Variants in IGF1 observed in about 807,000 individuals in gnomAD.
IGF1 encodes insulin like growth factor 1.
In IGF1, 4 loss-of-function variants were observed where a neutral mutation model predicts 13.8. The observed-to-expected ratio is 0.29, with a 90% CI of 0.14 to 0.66. The LOEUF is 0.66. IGF1 is among the 30% of genes least tolerant of loss of function. The probability of loss-of-function intolerance (pLI) is 0.78; values close to 1 mark genes in which losing one functional copy is unlikely to be tolerated. For missense variants in IGF1, 124 were observed against 188.5 expected, an observed-to-expected ratio of 0.66 and a Z score of 2.00; for synonymous variants, 76 against 72.6, an observed-to-expected ratio of 1.05 and a Z score of -0.23.
intron 2 of IGF1, among the ~76,000 whole-genome samples, chr12:102,435,356 T>A (rs1418457049): frequency 6.6e-6 from 1 of 152,222 alleles, no homozygotes; most frequent in Non-Finnish European, 1.5e-5. Flanking sequence ...ATGGCCATTA[T>A]CTGCCTGGGC....
intron 3 of IGF1, among the ~76,000 whole-genome samples, chr12:102,407,692 C>A (rs1874292186): frequency 1.3e-5 from 2 of 152,098 alleles, no homozygotes; most frequent in South Asian, 4.1e-4. Flanking sequence ...TCATGAGCTG[C>A]CCATGCTTCC....
rs1877220739 is a variant in IGF1, at chr12:102,436,350, A to G, written c.221-16660T>C. 2.6e-5 allele frequency among the ~76,000 whole-genome samples: 4 copies of G among 152,216 alleles called. No homozygotes were observed. In the South Asian group the frequency reaches 6.2e-4, roughly 24 times the overall value. ...CACAAGCTAGTCTTCTGATATTGAA[A>G]GCTGCCTTTTCTAAATACTGAGTTC... On this transcript the variant is annotated intron_variant, in intron 2 of 3. Coordinates refer to ENST00000337514, the MANE Select transcript of IGF1 (RefSeq NM_000618.5).
chr12:102,405,092 T>TCTTC (rs1468302925), intron 3 of IGF1, among the ~76,000 whole-genome samples: 1 of 148,090 alleles, frequency 6.8e-6, no homozygotes, highest in Non-Finnish European at 1.5e-5. Flanking sequence ...TTTCTTTCTT[T>TCTTC]CTTTCTTTTT....
chr12:102,402,595 A>T, intron 3 of IGF1, 29 bp from the exon 4 acceptor site: 1 of 780,430 alleles, frequency 1.3e-6, no homozygotes. Flanking sequence ...AAGTGACATT[A>T]ACTTGATGAA....
chr12:102,464,178 C>T (rs1009472232), intron 2 of IGF1, among the ~76,000 whole-genome samples: 1 of 151,848 alleles, frequency 6.6e-6, no homozygotes, highest in Non-Finnish European at 1.5e-5. Context: ...ATAAGTAGAC[C>T]TTATTGGTGA....
intron 1 of IGF1, among the ~76,000 whole-genome samples, chr12:102,476,933 G>A (rs533455508): frequency 6.6e-6 from 1 of 152,146 alleles, no homozygotes; most frequent in Non-Finnish European, 1.5e-5. Flanking sequence ...TTTCCAAGAA[G>A]CCTCTCAAGG....
intron 3 of IGF1, chr12:102,417,557 CTTTTA>C (rs1222236149): frequency 7.6e-6 from 9 of 1,187,710 alleles, no homozygotes; most frequent in Non-Finnish European, 9.4e-6. Context: ...TTTTTTGCCT[CTTTTA>C]TAATTTTTAT....
intron 3 of IGF1, among the ~76,000 whole-genome samples, chr12:102,417,219 T>TGAA (rs113221407): frequency 0.78 from 118,184 of 151,926 alleles, 46,059 homozygotes; most frequent in Admixed American, 0.84. Context: ...GCAAAAAAGA[T>TGAA]GAAGAGTGCA....
At chr12:102,452,309 G>C (rs1001574814) in intron 2 of IGF1, among the ~76,000 whole-genome samples, 1 of 137,394 alleles carries the variant, frequency 7.3e-6, no homozygotes, top group Non-Finnish European at 1.5e-5. Flanking sequence ...TACTTCTTCT[G>C]CCATGATAAG....
At chr12:102,441,906 G>GCTGCTGCTTCTTCTTGTTCTT in intron 2 of IGF1, among the ~76,000 whole-genome samples, 1 of 100,292 alleles carries the variant, frequency 1.0e-5, no homozygotes, top group Non-Finnish European at 2.1e-5. Flanking sequence ...CTATTACACT[G>GCTGCTGCTTCTTCTTGTTCTT]CTTCTTCTCC....
upstream of IGF1, chr12:102,480,716 A>T (rs1451624800): frequency 3.2e-6 from 2 of 631,362 alleles, no homozygotes; most frequent in Non-Finnish European, 4.7e-6. Context: ...ATAACATCAT[A>T]CCTTTGCATT....
At position 102,419,704 on chromosome 12, in the gene IGF1, A is replaced by G; in HGVS notation, c.221-14T>C. The G allele has an allele frequency of 1.2e-6, 2 of 1,610,314 alleles. No individual in the cohort carries two copies. Among genetic ancestry groups the G allele is most frequent in the Non-Finnish European group, 1.7e-6 (2 of 1,179,888 alleles). On this transcript the variant is annotated splice_polypyrimidine_tract_variant and intron_variant, in intron 2 of 3. Coordinates refer to ENST00000337514, the MANE Select transcript of IGF1 (RefSeq NM_000618.5). ...CTGTGGGCTTGTCTGCACAAATCAA[A>G]CAGAGTGGCCTCATGTTAGGGTGCA...
At chr12:102,415,465 C>T (rs1429199374) in intron 3 of IGF1, among the ~76,000 whole-genome samples, 7 of 151,800 alleles carry the variant, frequency 4.6e-5, no homozygotes, top group East Asian at 1.9e-4. Context: ...AAACTCATTC[C>T]GAAAAGAACT....
chr12:102,420,199 CTG>C (rs747357853), intron 2 of IGF1, among the ~76,000 whole-genome samples: 2 of 152,114 alleles, frequency 1.3e-5, no homozygotes, highest in Non-Finnish European at 2.9e-5. Flanking sequence ...AATGTGAAAA[CTG>C]AGACTCAGAG....
intron 2 of IGF1, among the ~76,000 whole-genome samples, chr12:102,445,828 C>A (rs763248711): frequency 6.6e-6 from 1 of 152,174 alleles, no homozygotes; most frequent in Non-Finnish European, 1.5e-5. Context: ...AAAGGGAGTG[C>A]TTCCAGCTTT....
chr12:102,426,415 G>C (rs1876212702), intron 2 of IGF1, among the ~76,000 whole-genome samples: 1 of 152,204 alleles, frequency 6.6e-6, no homozygotes, highest in African/African-American at 2.4e-5. Flanking sequence ...GGTTAACATA[G>C]CTAGTTGGGC....
chr12:102,466,108 G>T (rs2137224586), intron 2 of IGF1, among the ~76,000 whole-genome samples: 1 of 152,182 alleles, frequency 6.6e-6, no homozygotes, highest in South Asian at 2.1e-4. Context: ...TGAATTCCAT[G>T]GCTATAAGGC....
Position 102,460,263 on chromosome 12 carries a change from G to A in IGF1, c.220+15380C>T, listed in dbSNP as rs140200480. Among the ~76,000 whole-genome samples the A allele has an allele frequency of 6.4e-3, 971 of 152,300 alleles. 7 individuals carry two copies. Among genetic ancestry groups the A allele is most frequent in the African/African-American group, 0.022 (902 of 41,556 alleles). On this transcript the variant is annotated intron_variant, in intron 2 of 3. Transcript: ENST00000337514. ...ATGCAGGTGGGGTGGGAGTGGAAAC[G>A]TTTTGTGACATTGCTCTAGAATATC...
chr12:102,425,507 G>A (rs192757884), intron 2 of IGF1, among the ~76,000 whole-genome samples: 141 of 152,186 alleles, frequency 9.3e-4, no homozygotes, highest in Non-Finnish European at 1.5e-3. Context: ...AAAGTCTTCC[G>A]TTACCCAATC....
Sources: gnomAD v4.1 joint callset for allele counts (sites outside exome capture counted in the v4.1 genomes callset) on GRCh38, gnomAD v4.1.1 for gene constraint, MANE v1.5 for transcripts, NCBI Gene and HGNC (gene_info 2026-07-23, HGNC 2026-07-21) for gene names.